Variants in VPS13A observed in about 807,000 individuals in gnomAD.
VPS13A encodes the protein vacuolar protein sorting 13 homolog A.
In VPS13A, 264 loss-of-function variants were observed where a neutral mutation model predicts 390.9. The observed-to-expected ratio is 0.68, with a 90% CI of 0.61 to 0.75. The LOEUF (loss-of-function observed/expected upper bound fraction) is 0.75. Ranked by LOEUF, VPS13A falls within the 30% of genes least tolerant of loss-of-function variation. The pLI is 0.00. For synonymous variants in VPS13A, 1,231 were observed against 1,227.1 expected (o/e 1.00, Z -0.07); for missense variants, 3,409 against 3,733.9 (o/e 0.91, Z 2.27).
chr9:77,260,113 T>C lies in VPS13A; in HGVS notation c.2316T>C (p.Leu772=), dbSNP rs1825672007. 2 of 1,549,654 alleles carry C rather than the reference T, an allele frequency of 1.3e-6. No individual in the cohort carries two copies. Among genetic ancestry groups the C allele is most frequent in the Non-Finnish European group, 1.8e-6 (2 of 1,123,574 alleles). The change falls in exon 23 of 72, where the codon CTT becomes CTC. Residue 772 remains leucine (L), a synonymous_variant. Coordinates refer to ENST00000360280, the MANE Select transcript of VPS13A (RefSeq NM_033305.3). The part of the protein sequence containing the change: ...PKFKIYGKLP[L]ISLRISDKKL... ...TCAAGATTTATGGAAAGTTACCTCT[T>C]ATTTCTTTACGAATCTCAGATAAAA...
At chr9:77,283,199 C>T (rs1170845083) in intron 29 of VPS13A, among the ~76,000 whole-genome samples, 156 bp from the exon 30 acceptor site, 3 of 152,014 alleles carry the variant, frequency 2.0e-5, no homozygotes, top group African/African-American at 7.2e-5. Context: ...ATTTTCAATT[C>T]AGTAGGGAAT....
chr9:77,377,203 GTTTTTTTTTTTT>G (rs61562443), intron 67 of VPS13A, among the ~76,000 whole-genome samples: 11 of 69,066 alleles, frequency 1.6e-4, no homozygotes, highest in African/African-American at 4.6e-4. Flanking sequence ...TTTTGATGCT[GTTTTTTTTTTTT>G]TTTTTTTTTT....
chr9:77,345,941 A>G (rs1831125260), intron 52 of VPS13A, among the ~76,000 whole-genome samples: 1 of 152,060 alleles, frequency 6.6e-6, no homozygotes, highest in Non-Finnish European at 1.5e-5. Flanking sequence ...GTTTTTTTTA[A>G]TTATCCATAT....
At chr9:77,308,163 C>G (rs573873865) in intron 35 of VPS13A, 65 bp downstream of exon 35, 50 of 1,526,750 alleles carry the variant, frequency 3.3e-5, no homozygotes, top group Non-Finnish European at 4.3e-5. Flanking sequence ...CTATCTTCTT[C>G]CCTCCCCTTC....
At chr9:77,301,409 A>T (rs1278835074) in intron 33 of VPS13A, among the ~76,000 whole-genome samples, 1 of 152,194 alleles carries the variant, frequency 6.6e-6, no homozygotes, top group East Asian at 1.9e-4. Context: ...TTAACCTATT[A>T]CCATTAAGCG....
chr9:77,357,969 T>C (rs1426666476), intron 56 of VPS13A, 131 bp downstream of exon 56: 3 of 948,158 alleles, frequency 3.2e-6, no homozygotes, highest in Non-Finnish European at 4.6e-6. Context: ...TTTTTTTTTT[T>C]TTTTGAGACA....
intron 22 of VPS13A, 141 bp downstream of exon 22, chr9:77,252,493 A>G: frequency 5.0e-6 from 4 of 806,084 alleles, no homozygotes; most frequent in African/African-American, 1.7e-5. Context: ...GGTAAAATGT[A>G]TATAAAATTT....
At chr9:77,243,040 G>T (rs1359982911) in intron 19 of VPS13A, among the ~76,000 whole-genome samples, 2 of 151,922 alleles carry the variant, frequency 1.3e-5, no homozygotes, top group Non-Finnish European at 2.9e-5. Flanking sequence ...TTTCTAGAAA[G>T]TTAAAATTTA....
Position 77,355,182 on chromosome 9 carries a change from A to G in VPS13A, c.7653-1532A>G, listed in dbSNP as rs370549696. On this transcript the variant is annotated intron_variant, in intron 54 of 71. Transcript: ENST00000360280. The stretch of plus-strand genomic sequence containing the variant: ...ATCCTGTGTTCTCCAACTATTTTTC[A>G]TCCATTTTCTCTTTAACCACTCCAA... 1.4e-4 allele frequency among the ~76,000 whole-genome samples: 21 copies of G among 152,246 alleles called. No homozygotes were observed. In the East Asian group the frequency reaches 3.1e-3, roughly 22 times the overall value.
At position 77,226,508 on chromosome 9, in the gene VPS13A, G is replaced by C; in HGVS notation, c.1267G>C (p.Asp423His). 6.2e-7 allele frequency: 1 copy of C among 1,612,564 alleles called. No homozygotes were observed. The highest frequency in any genetic ancestry group is 1.1e-5 in the South Asian group (1 of 91,036). Residue 423 changes from aspartate to histidine, a missense_variant, in exon 15 of 72, where the codon GAT becomes CAT. Physicochemically the swap from Asp to His is moderately conservative, Grantham distance 81. This residue lies in a region of VPS13A where 2,717 missense variants were observed against 2,917.4 expected (regional missense o/e 0.93). Transcript: ENST00000360280. Reference protein sequence around the residue: ...GYKIYKEGVKDPEDNKGWFSW... With the variant: ...GYKIYKEGVKHPEDNKGWFSW... ...CAAAATTTACAAAGAAGGAGTAAAA[G>C]ATCCAGAGGATAATAAAGGGTGGTT...
At position 77,371,074 on chromosome 9, in the gene VPS13A, G is replaced by GTTTA; in HGVS notation, c.9003_9006dup (p.Val3003PhefsTer17). 1.2e-6 allele frequency: 2 copies of GTTTA among 1,614,120 alleles called. No individual in the cohort carries two copies. Among genetic ancestry groups the GTTTA allele is most frequent in the Non-Finnish European group, 1.7e-6 (2 of 1,180,008 alleles). ...GGTTTCTTTAAAGGTGTTGGGAAAG[G>GTTTA]TTTAGTAGGAGCGGTAGCAAGGCCA... On this transcript the variant is annotated frameshift_variant, in exon 67 of 72. Transcript: ENST00000360280. LOFTEE classifies it high-confidence loss of function.
chr9:77,345,347 A>G (rs561098180), intron 52 of VPS13A, among the ~76,000 whole-genome samples: 1 of 152,374 alleles, frequency 6.6e-6, no homozygotes, highest in Admixed American at 6.5e-5. Context: ...GCTTCAAAGA[A>G]AGAAAAATGG....
chr9:77,259,964 T>C (rs1825663518), intron 22 of VPS13A, 122 bp from the exon 23 acceptor site: 4 of 718,222 alleles, frequency 5.6e-6, no homozygotes, highest in Non-Finnish European at 9.0e-6. Flanking sequence ...GAAATTGGAA[T>C]AGAGATTTTT....
At chr9:77,368,012 T>G in intron 61 of VPS13A, 43 bp from the exon 62 acceptor site, 1 of 1,521,080 alleles carries the variant, frequency 6.6e-7, no homozygotes, top group South Asian at 1.2e-5. Context: ...AAATACTTTC[T>G]TCATACACAT....
At position 77,409,257 on chromosome 9, in the gene VPS13A, A is replaced by G. The variant is rs529334559; in HGVS notation, c.9474+1650A>G. The stretch of plus-strand genomic sequence containing the variant: ...GTCCTGACTGTTTGTTAGAAGGAAA[A>G]CTAATAAACAGAAAGGACATCCACA... On this transcript the variant is annotated intron_variant, in intron 71 of 71. Transcript: ENST00000360280. Among the ~76,000 whole-genome samples, 4 of 152,324 alleles carry G rather than the reference A, an allele frequency of 2.6e-5. No homozygotes were observed. The East Asian group carries it at 7.7e-4, about 29-fold the overall frequency.
chr9:77,241,814 G>A (rs943448048), intron 19 of VPS13A, among the ~76,000 whole-genome samples: 2 of 152,022 alleles, frequency 1.3e-5, no homozygotes, highest in African/African-American at 4.8e-5. Flanking sequence ...ACCTCCTTGA[G>A]GAATATATCA....
intron 26 of VPS13A, among the ~76,000 whole-genome samples, chr9:77,279,399 C>CCTGCCACTCT (rs1359241700): frequency 6.6e-6 from 1 of 152,084 alleles, no homozygotes; most frequent in African/African-American, 2.4e-5. Flanking sequence ...GCCATGCTGC[C>CCTGCCACTCT]CTGCCACTCT....
chr9:77,213,393 A>G, intron 9 of VPS13A, 79 bp downstream of exon 9: 1 of 1,189,016 alleles, frequency 8.4e-7, no homozygotes, highest in Non-Finnish European at 1.2e-6. Flanking sequence ...TATCTAATAT[A>G]CTGTAGTCAG....
intron 26 of VPS13A, among the ~76,000 whole-genome samples, chr9:77,278,998 G>C (rs1052088065): frequency 2.0e-5 from 3 of 152,202 alleles, no homozygotes; most frequent in African/African-American, 7.2e-5. Context: ...ACAGCATCTA[G>C]GGGTAGGTGT....
Sources: gnomAD v4.1 joint callset for allele counts (sites outside exome capture counted in the v4.1 genomes callset) on GRCh38, gnomAD v4.1.1 for gene constraint, gnomAD v4.1.1 regional missense constraint, MANE v1.5 for transcripts, NCBI Gene and HGNC (gene_info 2026-07-23, HGNC 2026-07-21) for gene names.